Variants in ERBB4 observed in about 807,000 individuals in gnomAD.
The protein encoded by ERBB4 is receptor tyrosine-protein kinase erbB-4.
A neutral mutation model predicts 158.0 loss-of-function variants in ERBB4; 42 were observed. The ratio of observed to expected loss-of-function variants is 0.27; its 90% CI spans 0.21 to 0.34. The LOEUF is 0.34. Among genes scored for constraint, ERBB4 ranks in the 10% least tolerant of loss-of-function variants. The pLI is 1.00. For missense variants in ERBB4, 1,333 were observed against 1,624.1 expected (o/e 0.82, Z 3.08); for synonymous variants, 583 against 558.7 (o/e 1.04, Z -0.61).
At chr2:211,878,652 G>GTTTTTTT (rs150312098) in intron 3 of ERBB4, among the ~76,000 whole-genome samples, 12 of 99,156 alleles carry the variant, frequency 1.2e-4, no homozygotes, top group African/African-American at 1.4e-4. Flanking sequence ...GACAAATTAA[G>GTTTTTTT]TTTTGTTTTT....
At chr2:211,595,184 C>T (rs2068594044) in intron 19 of ERBB4, among the ~76,000 whole-genome samples, 1 of 151,932 alleles carries the variant, frequency 6.6e-6, no homozygotes, top group South Asian at 2.1e-4. Flanking sequence ...GGTAATAATC[C>T]ATCTTAAAAC....
At chr2:211,551,816 A>G (rs2067106124) in intron 20 of ERBB4, among the ~76,000 whole-genome samples, 1 of 152,192 alleles carries the variant, frequency 6.6e-6, no homozygotes, top group South Asian at 2.1e-4. Context: ...ATTCATGCAG[A>G]AGGAAATGGC....
At chr2:211,643,128 T>G (rs1340713172) in intron 16 of ERBB4, among the ~76,000 whole-genome samples, 1 of 152,108 alleles carries the variant, frequency 6.6e-6, no homozygotes, top group Non-Finnish European at 1.5e-5. Context: ...AACACACTAG[T>G]GATTTTTAAA....
At chr2:212,489,935 T>C (rs1690181043) in intron 1 of ERBB4, among the ~76,000 whole-genome samples, 1 of 151,786 alleles carries the variant, frequency 6.6e-6, no homozygotes, top group Non-Finnish European at 1.5e-5. Flanking sequence ...TCTCGAGTTG[T>C]CTTTTACTAC....
rs540654758 is a variant in ERBB4 at position 211,665,821 on chromosome 2, T to C, written c.1717-344A>G. Among the ~76,000 whole-genome samples, 51 of 152,356 alleles carry C rather than the reference T, an allele frequency of 3.3e-4. No individual in the cohort carries two copies. The South Asian group carries it at 0.011, about 32-fold the overall frequency. On this transcript the variant is annotated intron_variant, in intron 14 of 27. Transcript: ENST00000342788. ...TAATTTGATCAGCAAAACTGTCCAATGACTTTCTCAAAAGGATGTCAGTAT... is the reference window on the plus strand; with the variant it reads ...TAATTTGATCAGCAAAACTGTCCAACGACTTTCTCAAAAGGATGTCAGTAT...
chr2:211,633,546 A>G (rs1247198569), intron 16 of ERBB4, among the ~76,000 whole-genome samples: 1 of 145,584 alleles, frequency 6.9e-6, no homozygotes, highest in African/African-American at 2.5e-5. Flanking sequence ...AAACAAGAAC[A>G]CAAAGTAAAC....
rs2081481181 is a variant in ERBB4 at position 211,972,428 on chromosome 2, A to G, written c.235-24812T>C. Among the ~76,000 whole-genome samples the G allele has an allele frequency of 2.0e-5, 3 of 152,234 alleles. No homozygotes were observed. In the South Asian group the frequency reaches 6.2e-4, roughly 31 times the overall value. On this transcript the variant is annotated intron_variant, in intron 2 of 27. Transcript: ENST00000342788. Reference sequence around the variant, plus strand: ...TTTTAAAATGCATGTGGAACCAAATAAGACCTGCATAGCCAAGGCAATCCT... The same window carrying G: ...TTTTAAAATGCATGTGGAACCAAATGAGACCTGCATAGCCAAGGCAATCCT...
chr2:211,397,506 G>A (rs186190666), intron 25 of ERBB4, among the ~76,000 whole-genome samples: 11 of 152,200 alleles, frequency 7.2e-5, no homozygotes, highest in Admixed American at 5.9e-4. Context: ...CCATAGAGAC[G>A]GTAAATGACT....
intron 3 of ERBB4, among the ~76,000 whole-genome samples, chr2:211,914,034 A>C (rs1018959427): frequency 5.5e-5 from 8 of 145,576 alleles, no homozygotes; most frequent in African/African-American, 2.1e-4. Context: ...AATGACACAA[A>C]AGGTCTTGGA....
At chr2:211,885,388 T>C (rs2078772034) in intron 3 of ERBB4, among the ~76,000 whole-genome samples, 1 of 151,852 alleles carries the variant, frequency 6.6e-6, no homozygotes, top group Non-Finnish European at 1.5e-5. Flanking sequence ...TTGTAACCTA[T>C]TAAAGAAAGA....
At chr2:212,016,486 A>G (rs2076531967) in intron 2 of ERBB4, among the ~76,000 whole-genome samples, 1 of 151,898 alleles carries the variant, frequency 6.6e-6, no homozygotes, top group South Asian at 2.1e-4. Flanking sequence ...TAAATTTATA[A>G]AAAATCTACT....
intron 16 of ERBB4, among the ~76,000 whole-genome samples, chr2:211,636,284 CT>C (rs2070358602): frequency 1.3e-5 from 2 of 151,856 alleles, no homozygotes; most frequent in South Asian, 4.1e-4. Flanking sequence ...ATGACTTTTC[CT>C]TATTGTGGCA....
At chr2:212,250,582 C>T (rs938711698) in intron 1 of ERBB4, among the ~76,000 whole-genome samples, 3 of 151,816 alleles carry the variant, frequency 2.0e-5, no homozygotes, top group African/African-American at 7.2e-5. Context: ...TAACAGGAAA[C>T]ATCAGACAAA....
chr2:211,785,590 T>G (rs1294061646), intron 4 of ERBB4, among the ~76,000 whole-genome samples: 2 of 152,172 alleles, frequency 1.3e-5, no homozygotes, highest in African/African-American at 4.8e-5. Context: ...TTGAGTTAAT[T>G]TTTGAACATG....
rs182251346 is a variant in ERBB4, at chr2:211,450,492, C to T, written c.2488-19392G>A. 4.3e-4 allele frequency among the ~76,000 whole-genome samples: 66 copies of T among 152,062 alleles called. 1 individual carries two copies. The East Asian group carries it at 8.1e-3, about 19-fold the overall frequency. On this transcript the variant is annotated intron_variant, in intron 20 of 27. Coordinates refer to ENST00000342788, the MANE Select transcript of ERBB4 (RefSeq NM_005235.3). ...CTCTAAGTGAGAGATGATGGCAGCCCGGACCAGGGTGGTGCTAGCAATGGT... is the reference window on the plus strand; with the variant it reads ...CTCTAAGTGAGAGATGATGGCAGCCTGGACCAGGGTGGTGCTAGCAATGGT...
At chr2:211,467,944 G>A (rs1339386202) in intron 20 of ERBB4, among the ~76,000 whole-genome samples, 2 of 152,146 alleles carry the variant, frequency 1.3e-5, no homozygotes, top group Non-Finnish European at 2.9e-5. Flanking sequence ...TCCTTTTGGA[G>A]AAAGTAAAGG....
chr2:212,284,912 C>T (rs2085903634), intron 1 of ERBB4, among the ~76,000 whole-genome samples: 1 of 152,066 alleles, frequency 6.6e-6, no homozygotes, highest in African/African-American at 2.4e-5. Flanking sequence ...GTGTTTTAAG[C>T]TGAACTTTCT....
chr2:211,837,317 A>G (rs2077363464), intron 3 of ERBB4, among the ~76,000 whole-genome samples: 5 of 152,108 alleles, frequency 3.3e-5, no homozygotes. Context: ...GGAAAGGTTA[A>G]AAGTACTTGG....
chr2:212,092,085 G>A (rs557966046), intron 2 of ERBB4, among the ~76,000 whole-genome samples: 1 of 152,246 alleles, frequency 6.6e-6, no homozygotes, highest in South Asian at 2.1e-4. Context: ...GGTCACAGGT[G>A]GAGAGTTATT....
Sources: gnomAD v4.1 joint callset for allele counts (sites outside exome capture counted in the v4.1 genomes callset) on GRCh38, gnomAD v4.1.1 for gene constraint, MANE v1.5 for transcripts, NCBI Gene and HGNC (gene_info 2026-07-23, HGNC 2026-07-21) for gene names.